The following DNAH12 variants were observed in gnomAD, a reference collection of about 807,000 sequenced individuals.
DNAH12 encodes the protein dynein axonemal heavy chain 12, also known as axonemal beta dynein heavy chain 12.
Under a neutral mutation model 371.5 loss-of-function variants are expected in DNAH12, and 285 were observed. That is an observed-to-expected ratio of 0.77 (90% CI 0.70 to 0.85). The LOEUF (loss-of-function observed/expected upper bound fraction) is 0.85, where lower values mean the gene tolerates loss of function less well. Ranked by LOEUF, DNAH12 falls within the 40% of genes least tolerant of loss-of-function variation. The probability of loss-of-function intolerance (pLI) is 0.00; values close to 1 mark genes in which losing one functional copy is unlikely to be tolerated. For synonymous variants in DNAH12, 1,200 were observed against 1,213.0 expected, an observed-to-expected ratio of 0.99 and a Z score of 0.22; for missense variants, 3,611 against 3,689.4, an observed-to-expected ratio of 0.98 and a Z score of 0.55.
intron 62 of DNAH12, among the ~76,000 whole-genome samples, chr3:57,325,172 C>T (rs1340453008): frequency 6.6e-6 from 1 of 152,232 alleles, no homozygotes; most frequent in Non-Finnish European, 1.5e-5. Flanking sequence ...ACAGCAGTAA[C>T]CTCTGCAGAC....
At chr3:57,515,626 TTAA>T in intron 4 of DNAH12, among the ~76,000 whole-genome samples, 1 of 151,606 alleles carries the variant, frequency 6.6e-6, no homozygotes, top group East Asian at 1.9e-4. Context: ...ATAATTATTA[TTAA>T]TAATAATAAT....
In DNAH12 at chr3:57,437,080, T is replaced by C; in HGVS notation, c.4546-20A>G. 1.4e-6 allele frequency: 2 copies of C among 1,451,978 alleles called. No homozygotes were observed. Among genetic ancestry groups the C allele is most frequent in the South Asian group, 1.4e-5 (1 of 72,928 alleles). 89.9% of individuals were successfully genotyped at this position (1,451,978 alleles called of 1,614,324 possible). On this transcript the variant is annotated intron_variant, in intron 29 of 73. Coordinates refer to ENST00000495027, the MANE Select transcript of DNAH12 (RefSeq NM_001366028.2). ...AAATTCCTGAAATAAAAAAAAGTAATGCATTTCTACAACACAATATTATAA... is the reference window on the plus strand; with the variant it reads ...AAATTCCTGAAATAAAAAAAAGTAACGCATTTCTACAACACAATATTATAA...
chr3:57,435,914 T>G (rs1490431320), intron 30 of DNAH12, among the ~76,000 whole-genome samples: 3 of 152,070 alleles, frequency 2.0e-5, no homozygotes, highest in Non-Finnish European at 4.4e-5. Flanking sequence ...AACCCTACCT[T>G]TAGAAAAAAT....
chr3:57,296,844 T>TCCTTAAAGTC lies in DNAH12; in HGVS notation c.11532+2_11532+3insGACTTTAAGG. The TCCTTAAAGTC allele has an allele frequency of 6.4e-7, 1 of 1,551,464 alleles. No individual in the cohort carries two copies. Among genetic ancestry groups the TCCTTAAAGTC allele is most frequent in the South Asian group, 1.2e-5 (1 of 84,000 alleles). ...TACTGTTGACTTTAAGGAGTTACTA[T>TCCTTAAAGTC]ACCTCAAATTCATATCCTAGCAAAT... On this transcript the variant is annotated splice_region_variant and intron_variant, in intron 71 of 73. Transcript: ENST00000495027.
At position 57,323,635 on chromosome 3, in the gene DNAH12, GAT is replaced by G; in HGVS notation, c.9979-18_9979-17del. On this transcript the variant is annotated splice_polypyrimidine_tract_variant and intron_variant, in intron 62 of 73. Coordinates refer to ENST00000495027, the MANE Select transcript of DNAH12 (RefSeq NM_001366028.2). The stretch of plus-strand genomic sequence containing the variant: ...CTGGGGTTATCTGTTGAAGAGAAAA[GAT>G]ATGATCTTTAGAGCAACTTTTATTT... The G allele has an allele frequency of 2.0e-6, 3 of 1,505,664 alleles. No homozygotes were observed. The African/African-American group carries it at 4.2e-5, about 21-fold the overall frequency. The allele number at this position is 1,505,664 out of a possible 1,614,324, so 93.3% of individuals were successfully genotyped here. A position where few individuals can be genotyped will look rare whatever the true frequency, so the allele number is the denominator to read the frequency against.
intron 4 of DNAH12, among the ~76,000 whole-genome samples, chr3:57,517,873 C>A (rs962223547): frequency 2.6e-5 from 4 of 151,948 alleles, no homozygotes; most frequent in Non-Finnish European, 4.4e-5. Flanking sequence ...CATGGGGAAA[C>A]CCCACCTCTA....
Position 57,461,652 on chromosome 3 carries a change from C to G in DNAH12, c.2573G>C (p.Gly858Ala). 1 of 1,551,012 alleles carries G rather than the reference C, an allele frequency of 6.4e-7. No individual in the cohort carries two copies. Among genetic ancestry groups the G allele is most frequent in the Middle Eastern group, 1.7e-4 (1 of 5,986 alleles). ...SLEKAMNTMI[G>A]TWEDIAFHIS... ...ATGAAAAGCAATATCTTCCCAAGTT[C>G]CTATCATTGTATTCATGGCTTTCTC... is the stretch of plus-strand genomic sequence containing the variant. The change falls in exon 19 of 74, where the codon GGA becomes GCA. Residue 858 changes from glycine (G) to alanine (A), a missense_variant. Coordinates refer to ENST00000495027, the MANE Select transcript of DNAH12 (RefSeq NM_001366028.2).
chr3:57,320,161 C>A (rs1224258335), intron 65 of DNAH12, among the ~76,000 whole-genome samples: 1 of 152,062 alleles, frequency 6.6e-6, no homozygotes, highest in African/African-American at 2.4e-5. Context: ...TTTAACAAGT[C>A]CCCCAGGTTT....
At chr3:57,435,820 A>C (rs1399827332) in intron 30 of DNAH12, among the ~76,000 whole-genome samples, 1 of 152,130 alleles carries the variant, frequency 6.6e-6, no homozygotes, top group Non-Finnish European at 1.5e-5. Context: ...TATTTAAAAT[A>C]ATCCTTGGGT....
chr3:57,520,743 C>A (rs2068397703), intron 4 of DNAH12, among the ~76,000 whole-genome samples: 1 of 151,778 alleles, frequency 6.6e-6, no homozygotes, highest in Admixed American at 6.6e-5. Context: ...CCCGTTTTTA[C>A]CCATTTTCTA....
At chr3:57,342,899 C>T (rs1251354394) in intron 60 of DNAH12, among the ~76,000 whole-genome samples, 1 of 151,974 alleles carries the variant, frequency 6.6e-6, no homozygotes, top group Admixed American at 6.6e-5. Context: ...AAAACCCTGT[C>T]TCTACAAAAA....
chr3:57,445,434 AAATG>A lies in DNAH12; in HGVS notation c.4180-19_4180-16del, dbSNP rs1415608864. Reference sequence around the variant, plus strand: ...CTAAAAAGAACCTGAAGTATAAAATAAATGAAATATATTACGTACATAAATGAAG... The same window carrying A: ...CTAAAAAGAACCTGAAGTATAAAATAAAATATATTACGTACATAAATGAAG... On this transcript the variant is annotated splice_polypyrimidine_tract_variant and intron_variant, in intron 27 of 73. Coordinates refer to ENST00000495027, the MANE Select transcript of DNAH12 (RefSeq NM_001366028.2). 6.7e-6 allele frequency: 10 copies of A among 1,500,158 alleles called. No homozygotes were observed. In the Admixed American group the frequency reaches 1.0e-4, roughly 15 times the overall value. The allele number at this position is 1,500,158 out of a possible 1,614,324, so 92.9% of individuals were successfully genotyped here.
intron 13 of DNAH12, among the ~76,000 whole-genome samples, chr3:57,480,282 A>T (rs1415636887): frequency 6.6e-6 from 1 of 152,230 alleles, no homozygotes; most frequent in Non-Finnish European, 1.5e-5. Flanking sequence ...ATCAGAGAAT[A>T]CTATAAACAC....
Position 57,309,761 on chromosome 3 carries a change from A to T in DNAH12, c.10990T>A (p.Ser3664Thr). 5 of 1,551,462 alleles carry T rather than the reference A, an allele frequency of 3.2e-6. No homozygotes were observed. The highest frequency in any genetic ancestry group is 4.4e-6 in the Non-Finnish European group (5 of 1,146,892). The change falls in exon 68 of 74, where the codon TCC becomes ACC. Residue 3664 changes from serine (S) to threonine (T), a missense_variant. Ser to Thr is a moderately conservative substitution (Grantham distance 58). Transcript: ENST00000495027. ...GAGCCTCCCTGGGTGAGGAGCAAGGACTCAAAGAGGGTTTTTGTTTGTTGA... is the reference window on the plus strand; with the variant it reads ...GAGCCTCCCTGGGTGAGGAGCAAGGTCTCAAAGAGGGTTTTTGTTTGTTGA... ...DLQQTKTLFE[S>T]LLLTQGGSKQ...
At chr3:57,364,608 A>G (rs1024988121) in intron 57 of DNAH12, among the ~76,000 whole-genome samples, 89 of 152,354 alleles carry the variant, frequency 5.8e-4, no homozygotes, top group African/African-American at 2.1e-3. Context: ...ACAAAAACAC[A>G]AATTGAAAAA....
At chr3:57,430,768 C>T (rs915118823) in intron 32 of DNAH12, among the ~76,000 whole-genome samples, 2 of 152,102 alleles carry the variant, frequency 1.3e-5, no homozygotes, top group Non-Finnish European at 2.9e-5. Context: ...ACAATCATCA[C>T]TTTAGTTCCA....
At chr3:57,505,480 G>A (rs1004483575) in intron 8 of DNAH12, among the ~76,000 whole-genome samples, 31 of 151,934 alleles carry the variant, frequency 2.0e-4, no homozygotes, top group South Asian at 1.0e-3. Context: ...TCACTCTGTC[G>A]GTCAGGCTGG....
intron 35 of DNAH12, among the ~76,000 whole-genome samples, chr3:57,424,742 G>T (rs190382190): frequency 6.7e-6 from 1 of 148,436 alleles, no homozygotes; most frequent in South Asian, 2.1e-4. Context: ...CTGAGATCAC[G>T]TCACTGCACT....
intron 2 of DNAH12, among the ~76,000 whole-genome samples, chr3:57,527,319 A>G (rs1394998329): frequency 6.6e-6 from 1 of 152,210 alleles, no homozygotes; most frequent in Non-Finnish European, 1.5e-5. Flanking sequence ...CAACACAGTG[A>G]GACTTTGTTT....
Sources: gnomAD v4.1 joint callset for allele counts (sites outside exome capture counted in the v4.1 genomes callset) on GRCh38, gnomAD v4.1.1 for gene constraint, MANE v1.5 for transcripts, NCBI Gene and HGNC (gene_info 2026-07-23, HGNC 2026-07-21) for gene names.